GNG2: variants seen among roughly 807,000 people sequenced by gnomAD.
The protein encoded by GNG2 is guanine nucleotide-binding protein G(I)/G(S)/G(O) subunit gamma-2.
A neutral mutation model predicts 5.5 loss-of-function variants in GNG2; 5 were observed. That is an observed-to-expected ratio of 0.91 (90% CI 0.48 to 1.92). GNG2 has a LOEUF of 1.92. Among genes scored for constraint, GNG2 ranks in the 30% most tolerant of loss-of-function variants. The pLI is 0.01. For synonymous variants in GNG2, 28 were observed against 32.0 expected, an observed-to-expected ratio of 0.88 and a Z score of 0.42; for missense variants, 55 against 88.4, an observed-to-expected ratio of 0.62 and a Z score of 1.52.
chr14:51,834,207 TCA>T (rs2140072363), intron 2 of GNG2, among the ~76,000 whole-genome samples: 1 of 152,332 alleles, frequency 6.6e-6, no homozygotes, highest in East Asian at 1.9e-4. Flanking sequence ...TGGAATTGTC[TCA>T]GAGGATTCCT....
intron 2 of GNG2, among the ~76,000 whole-genome samples, chr14:51,840,896 G>C (rs1471228386): frequency 6.6e-6 from 1 of 152,152 alleles, no homozygotes; most frequent in African/African-American, 2.4e-5. Flanking sequence ...CCTAAAGCTA[G>C]GTTCAGTCCC....
At chr14:51,910,910 G>A (rs1407118445) in intron 2 of GNG2, among the ~76,000 whole-genome samples, 2 of 152,210 alleles carry the variant, frequency 1.3e-5, no homozygotes, top group African/African-American at 2.4e-5. Context: ...TGGGTCACCT[G>A]TCTACATGGA....
intron 1 of GNG2, among the ~76,000 whole-genome samples, chr14:51,874,925 A>C (rs545532235): frequency 3.9e-5 from 6 of 152,360 alleles, no homozygotes; most frequent in Non-Finnish European, 7.3e-5. Context: ...TTTTCTTAAC[A>C]TTAGTAAACA....
intron 2 of GNG2, among the ~76,000 whole-genome samples, chr14:51,840,311 A>G (rs1881447267): frequency 6.6e-6 from 1 of 152,144 alleles, no homozygotes; most frequent in African/African-American, 2.4e-5. Flanking sequence ...TGTCTGTTGC[A>G]TCTTTCTGTC....
At position 51,966,832 on chromosome 14, in the gene GNG2, A is replaced by G. The variant is rs561139380; in HGVS notation, c.*145A>G. On this transcript the variant is annotated 3_prime_UTR_variant, in exon 4 of 4. Transcript: ENST00000556766. ...AACTCTAGGCTATGCATGTTTAAAG[A>G]TCTGGTCCCCTTTATGAGAATGCAA... 9.8e-5 allele frequency: 64 copies of G among 655,396 alleles called. No homozygotes were observed. In the African/African-American group the frequency reaches 1.0e-3, roughly 11 times the overall value. The allele number at this position is 655,396 out of a possible 1,614,324, so 40.6% of individuals were successfully genotyped here. A position where few individuals can be genotyped will look rare whatever the true frequency, so the allele number is the denominator to read the frequency against.
chr14:51,925,858 G>A (rs1368219904), intron 2 of GNG2, among the ~76,000 whole-genome samples: 3 of 151,868 alleles, frequency 2.0e-5, no homozygotes, highest in Non-Finnish European at 2.9e-5. Context: ...CTGGCCTCAA[G>A]TGATTCACCA....
chr14:51,859,329 T>C (rs1882310394), upstream of GNG2, among the ~76,000 whole-genome samples: 1 of 152,136 alleles, frequency 6.6e-6, no homozygotes, highest in Admixed American at 6.5e-5. Context: ...GTGTTAGTAC[T>C]AGGGGGAGAA....
rs369095215 is a variant in GNG2 at position 51,836,856 on chromosome 14, C to CTTTTT, written c.64+9064_64+9068dup. On this transcript the variant is annotated intron_variant, in intron 2 of 3. Transcript: ENST00000553432. ...ATATTATGATTTTAAGTGACTTCATCTTTTTTTTTTTTTTTTTTTGAGACA... is the reference window on the plus strand; with the variant it reads ...ATATTATGATTTTAAGTGACTTCATCTTTTTTTTTTTTTTTTTTTTTTTTGAGACA... 3.1e-5 allele frequency among the ~76,000 whole-genome samples: 4 copies of CTTTTT among 130,676 alleles called. 1 individual carries two copies. Among genetic ancestry groups the CTTTTT allele is most frequent in the Non-Finnish European group, 3.2e-5 (2 of 61,654 alleles). The allele number at this position is 130,676 out of a possible 152,430, so 85.7% of individuals were successfully genotyped here.
intron 2 of GNG2, among the ~76,000 whole-genome samples, chr14:51,933,322 C>A (rs760654798): frequency 1.3e-5 from 2 of 151,986 alleles, no homozygotes; most frequent in Non-Finnish European, 2.9e-5. Flanking sequence ...GGACAAATGT[C>A]GTTGCAGGAA....
intron 2 of GNG2, among the ~76,000 whole-genome samples, chr14:51,913,779 A>T (rs3818870): frequency 0.21 from 32,156 of 152,120 alleles, 4,968 homozygotes; most frequent in African/African-American, 0.43. Flanking sequence ...TGGAGGTGAC[A>T]TCCTTTAAGT....
At chr14:51,925,914 A>G (rs1272617150) in intron 2 of GNG2, among the ~76,000 whole-genome samples, 2 of 151,884 alleles carry the variant, frequency 1.3e-5, no homozygotes, top group African/African-American at 4.8e-5. Flanking sequence ...GAGCCACCGC[A>G]CCTGGCCTGA....
intron 2 of GNG2, among the ~76,000 whole-genome samples, chr14:51,911,635 T>TCAGCCATA (rs1555353898): frequency 6.7e-6 from 1 of 149,658 alleles, no homozygotes; most frequent in African/African-American, 2.5e-5. Flanking sequence ...CCTCTAACTC[T>TCAGCCATA]TGGGCTCATG....
At chr14:51,880,174 G>T (rs1424991474) in intron 2 of GNG2, among the ~76,000 whole-genome samples, 1 of 152,184 alleles carries the variant, frequency 6.6e-6, no homozygotes, top group Admixed American at 6.5e-5. Context: ...GGTACTATAG[G>T]TATGGCCCCT....
At chr14:51,896,442 CAAG>C (rs1430822271) in intron 2 of GNG2, among the ~76,000 whole-genome samples, 1 of 151,988 alleles carries the variant, frequency 6.6e-6, no homozygotes, top group Non-Finnish European at 1.5e-5. Flanking sequence ...TTCTGACTCC[CAAG>C]AAAAGTATAA....
At chr14:51,940,782 G>C (rs183251618) in intron 2 of GNG2, among the ~76,000 whole-genome samples, 16 of 152,270 alleles carry the variant, frequency 1.1e-4, no homozygotes, top group African/African-American at 3.1e-4. Context: ...AGATTGAAAT[G>C]TGCTATTTTA....
At chr14:51,872,545 A>G (rs1209155507) in intron 1 of GNG2, among the ~76,000 whole-genome samples, 1 of 152,162 alleles carries the variant, frequency 6.6e-6, no homozygotes, top group African/African-American at 2.4e-5. Flanking sequence ...CAGGCCTGGT[A>G]TAATCATTAG....
Position 51,886,687 on chromosome 14 carries a change from G to A in GNG2, c.-30+9030G>A, listed in dbSNP as rs192928990. 8.2e-3 allele frequency among the ~76,000 whole-genome samples: 1,255 copies of A among 152,284 alleles called. 4 individuals are homozygous for A. Among genetic ancestry groups the A allele is most frequent in the Middle Eastern group, 0.024 (7 of 294 alleles). ...CTCCTTAGTGGAGCTGTGGCCTCCA[G>A]GAAAGGGATATAGCCAGATTATAAT... On this transcript the variant is annotated intron_variant, in intron 2 of 3. Transcript: ENST00000556766.
At chr14:51,919,801 ACT>A (rs1267278986) in intron 2 of GNG2, among the ~76,000 whole-genome samples, 1 of 152,276 alleles carries the variant, frequency 6.6e-6, no homozygotes, top group East Asian at 1.9e-4. Flanking sequence ...ATCTTTTAAC[ACT>A]CTGTTGCTGA....
chr14:51,942,170 A>C (rs1315770890), intron 2 of GNG2, among the ~76,000 whole-genome samples: 2 of 152,248 alleles, frequency 1.3e-5, no homozygotes, highest in African/African-American at 4.8e-5. Context: ...ATCAGTGAGA[A>C]AATAATAGGG....
Sources: gnomAD v4.1 joint callset for allele counts (sites outside exome capture counted in the v4.1 genomes callset) on GRCh38, gnomAD v4.1.1 for gene constraint, MANE v1.5 for transcripts, NCBI Gene and HGNC (gene_info 2026-07-23, HGNC 2026-07-21) for gene names.